HHAT: variants seen among roughly 807,000 people sequenced by gnomAD.
The protein encoded by HHAT is protein-cysteine N-palmitoyltransferase HHAT.
Under a neutral mutation model 70.8 loss-of-function variants are expected in HHAT, and 47 were observed. That is an observed-to-expected ratio of 0.66 (90% CI 0.53 to 0.85). HHAT has a LOEUF of 0.85. Among genes scored for constraint, HHAT ranks in the 40% least tolerant of loss-of-function variants. The pLI is 0.00. For synonymous variants in HHAT, 228 were observed against 247.6 expected (o/e 0.92, Z 0.74); for missense variants, 609 against 604.8 (o/e 1.01, Z -0.07).
intron 2 of HHAT, among the ~76,000 whole-genome samples, chr1:210,362,036 A>G (rs200727488): frequency 2.0e-4 from 25 of 125,718 alleles, no homozygotes; most frequent in African/African-American, 6.1e-4. Context: ...CATTGCTAGT[A>G]TCTTGTACTG....
At chr1:210,588,247 C>G in intron 10 of HHAT, 148 bp downstream of exon 10, 1 of 635,774 alleles carries the variant, frequency 1.6e-6, no homozygotes, top group South Asian at 2.0e-5. Flanking sequence ...GGCAAGACAG[C>G]TGGAAAAGAA....
chr1:210,548,890 AC>A (rs1337470939), intron 9 of HHAT, among the ~76,000 whole-genome samples: 1 of 152,308 alleles, frequency 6.6e-6, no homozygotes, highest in East Asian at 1.9e-4. Flanking sequence ...AATTGCTGTT[AC>A]CTAATGCCTA....
chr1:210,503,047 C>A (rs1218172769), intron 8 of HHAT, among the ~76,000 whole-genome samples: 1 of 151,996 alleles, frequency 6.6e-6, no homozygotes, highest in Non-Finnish European at 1.5e-5. Context: ...CCCACTGCAA[C>A]CTCCTGGGTT....
At chr1:210,328,744 C>G (rs56397999), upstream of HHAT, among the ~76,000 whole-genome samples, 1,207 of 152,304 alleles carry the variant, frequency 7.9e-3, 11 homozygotes, top group African/African-American at 0.026. Context: ...AACCAACAGC[C>G]GAGGGGTGAG....
At chr1:210,360,833 ATAAT>A (rs985856959) in intron 2 of HHAT, among the ~76,000 whole-genome samples, 36 of 145,636 alleles carry the variant, frequency 2.5e-4, no homozygotes, top group Non-Finnish European at 3.9e-4. Flanking sequence ...ATTGGAATAA[ATAAT>A]TAACTTCACT....
chr1:210,425,857 A>AT (rs1412061364), intron 7 of HHAT, among the ~76,000 whole-genome samples: 2 of 151,934 alleles, frequency 1.3e-5, no homozygotes, highest in Admixed American at 6.6e-5. Context: ...TTTTAAAATA[A>AT]TTTTTTTCTA....
intron 7 of HHAT, among the ~76,000 whole-genome samples, chr1:210,440,771 T>C (rs1020698939): frequency 7.4e-5 from 11 of 149,496 alleles, no homozygotes; most frequent in African/African-American, 2.8e-4. Context: ...AGCTGGATTT[T>C]CACTGCCTTG....
intron 8 of HHAT, among the ~76,000 whole-genome samples, chr1:210,477,199 G>A (rs1197463699): frequency 6.6e-6 from 1 of 152,040 alleles, no homozygotes; most frequent in Non-Finnish European, 1.5e-5. Flanking sequence ...AAGGAATCAG[G>A]GAAGCTCGAC....
intron 7 of HHAT, among the ~76,000 whole-genome samples, chr1:210,459,199 G>T (rs542874217): frequency 1.4e-4 from 21 of 152,196 alleles, no homozygotes; most frequent in Non-Finnish European, 2.8e-4. Context: ...TTGATACTGG[G>T]AATACAAGGT....
At chr1:210,529,682 C>G (rs2095293173) in intron 9 of HHAT, among the ~76,000 whole-genome samples, 1 of 152,124 alleles carries the variant, frequency 6.6e-6, no homozygotes, top group Non-Finnish European at 1.5e-5. Context: ...GGGCCTCCCA[C>G]AGAACTGTTT....
chr1:210,403,104 A>AT (rs1364217036), intron 5 of HHAT, among the ~76,000 whole-genome samples: 3 of 152,142 alleles, frequency 2.0e-5, no homozygotes, highest in African/African-American at 7.2e-5. Flanking sequence ...AAGTTCAAGT[A>AT]TTTTTTGCTG....
At chr1:210,408,140 A>G (rs1240279636) in intron 6 of HHAT, among the ~76,000 whole-genome samples, 1 of 152,168 alleles carries the variant, frequency 6.6e-6, no homozygotes, top group Non-Finnish European at 1.5e-5. Context: ...GATTGTGTAT[A>G]GGTAATGTGG....
chr1:210,439,068 C>T (rs2093444330), intron 7 of HHAT, among the ~76,000 whole-genome samples: 1 of 151,872 alleles, frequency 6.6e-6, no homozygotes, highest in Admixed American at 6.6e-5. Context: ...GGTTAAGTGG[C>T]ATTATTTAGT....
At chr1:210,550,104 C>G (rs931249546) in intron 9 of HHAT, among the ~76,000 whole-genome samples, 3 of 149,122 alleles carry the variant, frequency 2.0e-5, no homozygotes, top group African/African-American at 7.4e-5. Context: ...TTCTGATCAT[C>G]TAAACTCCAC....
chr1:210,532,682 G>T (rs1415159983), intron 9 of HHAT, among the ~76,000 whole-genome samples: 1 of 152,164 alleles, frequency 6.6e-6, no homozygotes, highest in Non-Finnish European at 1.5e-5. Flanking sequence ...CATGTGCAGA[G>T]CTCCTACCAT....
At chr1:210,574,330 G>A (rs1391815340) in intron 9 of HHAT, among the ~76,000 whole-genome samples, 1 of 152,198 alleles carries the variant, frequency 6.6e-6, no homozygotes, top group Non-Finnish European at 1.5e-5. Flanking sequence ...CCCAGGTTTG[G>A]GCAGGAATGA....
In HHAT at chr1:210,386,235, T is replaced by C. The variant is rs1490823869; in HGVS notation, c.160-1233T>C. Among the ~76,000 whole-genome samples the C allele has an allele frequency of 5.0e-4, 46 of 92,008 alleles. 2 individuals are homozygous for C. Among genetic ancestry groups the C allele is most frequent in the African/African-American group, 6.3e-4 (14 of 22,364 alleles). The allele number at this position is 92,008 out of a possible 152,430, so 60.4% of individuals were successfully genotyped here. ...AGGAGTCCTTTTCTTTTTTTCTTTT[T>C]TTTTTTTTTTTTTTTTTTTTTGAGA... On this transcript the variant is annotated intron_variant, in intron 3 of 11. Transcript: ENST00000261458.
chr1:210,633,120 A>C (rs560314985), intron 11 of HHAT, among the ~76,000 whole-genome samples: 56 of 152,300 alleles, frequency 3.7e-4, no homozygotes, highest in African/African-American at 1.2e-3. Flanking sequence ...TGGCTGCCCT[A>C]GGGAATGAAT....
In HHAT at chr1:210,560,814, T is replaced by TAAAAAAAAAAAAAAAA. The variant is rs60192211; in HGVS notation, c.1044-27062_1044-27047dup. Among the ~76,000 whole-genome samples, 3 of 28,514 alleles carry TAAAAAAAAAAAAAAAA rather than the reference T, an allele frequency of 1.1e-4. 1 individual carries two copies. Among genetic ancestry groups the TAAAAAAAAAAAAAAAA allele is most frequent in the Non-Finnish European group, 1.9e-4 (2 of 10,504 alleles). The allele number at this position is 28,514 out of a possible 152,430, so 18.7% of individuals were successfully genotyped here. On this transcript the variant is annotated intron_variant, in intron 9 of 11. Coordinates refer to ENST00000261458, the MANE Select transcript of HHAT (RefSeq NM_018194.6). Reference sequence around the variant, plus strand: ...GGTGACAAAGTGAGACCCTGTGTCTTAAAAAAAAAAAAAAAAAAAAAAAAA... The same window carrying TAAAAAAAAAAAAAAAA: ...GGTGACAAAGTGAGACCCTGTGTCTTAAAAAAAAAAAAAAAAAAAAAAAAAAAAAAAAAAAAAAAAA...
Sources: allele counts gnomAD v4.1 joint callset (sites outside exome capture counted in the v4.1 genomes callset), GRCh38; gene constraint gnomAD v4.1.1; transcripts MANE v1.5; gene names NCBI Gene and HGNC (gene_info 2026-07-23, HGNC 2026-07-21).